The following KCNMA1 variants were observed in gnomAD, a reference collection of about 807,000 sequenced individuals.
KCNMA1 encodes the protein potassium calcium-activated channel subfamily M alpha 1.
In KCNMA1, 29 loss-of-function variants were observed where a neutral mutation model predicts 140.0. The ratio of observed to expected loss-of-function variants is 0.21; its 90% CI spans 0.15 to 0.28. KCNMA1 has a LOEUF of 0.28. KCNMA1 is among the 10% of genes least tolerant of loss of function. The pLI is 1.00. For missense variants in KCNMA1, 880 were observed against 1,602.2 expected, an observed-to-expected ratio of 0.55 and a Z score of 7.70; for synonymous variants, 612 against 611.9, an observed-to-expected ratio of 1.00 and a Z score of 0.00.
chr10:77,177,947 G>A (rs2098767851), intron 5 of KCNMA1, among the ~76,000 whole-genome samples: 1 of 152,140 alleles, frequency 6.6e-6, no homozygotes, highest in Admixed American at 6.6e-5. Flanking sequence ...TTGTTTTTAA[G>A]CACCTGTGCT....
At chr10:77,133,440 G>T (rs1263290876) in intron 5 of KCNMA1, among the ~76,000 whole-genome samples, 2 of 151,630 alleles carry the variant, frequency 1.3e-5, no homozygotes, top group African/African-American at 4.8e-5. Flanking sequence ...TGAAAGAATG[G>T]AAATTATGTG....
At chr10:77,500,510 G>A (rs1436912468) in intron 1 of KCNMA1, among the ~76,000 whole-genome samples, 1 of 152,148 alleles carries the variant, frequency 6.6e-6, no homozygotes, top group East Asian at 1.9e-4. Context: ...AAGCTAAGGA[G>A]TGATGCCAAG....
At chr10:77,010,082 T>C (rs1271854892) in intron 18 of KCNMA1, among the ~76,000 whole-genome samples, 2 of 152,210 alleles carry the variant, frequency 1.3e-5, no homozygotes, top group East Asian at 1.9e-4. Context: ...AGTCTTGCTA[T>C]TTCCTTGATA....
intron 1 of KCNMA1, chr10:77,636,282 A>G (rs1603639264): frequency 6.8e-7 from 1 of 1,460,342 alleles, no homozygotes; most frequent in African/African-American, 1.4e-5. Context: ...TGGGGAAGGG[A>G]AGACATCTCT....
intron 3 of KCNMA1, among the ~76,000 whole-genome samples, chr10:77,186,400 G>C (rs933796459): frequency 2.0e-5 from 3 of 151,812 alleles, no homozygotes; most frequent in Non-Finnish European, 4.4e-5. Flanking sequence ...ACAATTGCCA[G>C]GTTTTCACTA....
At position 77,539,401 on chromosome 10, in the gene KCNMA1, T is replaced by C. The variant is rs1190142422; in HGVS notation, c.378+97864A>G. ...AATTCTAGTTTTACAGGTAAGAGAATAGACATGGGTGGGATAAGTGAGTGG... is the reference window on the plus strand; with the variant it reads ...AATTCTAGTTTTACAGGTAAGAGAACAGACATGGGTGGGATAAGTGAGTGG... On this transcript the variant is annotated intron_variant, in intron 1 of 27. Transcript: ENST00000286628. 3.3e-5 allele frequency among the ~76,000 whole-genome samples: 5 copies of C among 152,184 alleles called. No individual in the cohort carries two copies. In the East Asian group the frequency reaches 5.8e-4, roughly 18 times the overall value.
At chr10:77,131,068 T>C (rs1349597093) in intron 5 of KCNMA1, among the ~76,000 whole-genome samples, 1 of 152,100 alleles carries the variant, frequency 6.6e-6, no homozygotes, top group African/African-American at 2.4e-5. Flanking sequence ...ATAACACTGA[T>C]TGACTGGGGT....
chr10:76,914,833 G>T, intron 24 of KCNMA1, 103 bp downstream of exon 24: 1 of 859,314 alleles, frequency 1.2e-6, no homozygotes, highest in Non-Finnish European at 2.0e-6. Context: ...CCCCATAGCA[G>T]CTACAAAGTT....
At chr10:76,960,822 A>T (rs111819548) in intron 20 of KCNMA1, among the ~76,000 whole-genome samples, 6 of 152,082 alleles carry the variant, frequency 3.9e-5, no homozygotes, top group African/African-American at 1.4e-4. Context: ...GAAGTCAGGC[A>T]TTTACATCTG....
chr10:77,301,227 A>T (rs2076461125), intron 2 of KCNMA1, among the ~76,000 whole-genome samples: 1 of 152,228 alleles, frequency 6.6e-6, no homozygotes, highest in African/African-American at 2.4e-5. Context: ...AGGCAATTCT[A>T]AGCTGGGAAA....
intron 2 of KCNMA1, among the ~76,000 whole-genome samples, chr10:77,281,181 A>G (rs2154295805): frequency 6.6e-6 from 1 of 152,256 alleles, no homozygotes; most frequent in African/African-American, 2.4e-5. Context: ...CTCAAATATA[A>G]GACATGTTAA....
At chr10:76,991,157 G>T (rs1565405430) in intron 19 of KCNMA1, among the ~76,000 whole-genome samples, 1 of 152,152 alleles carries the variant, frequency 6.6e-6, no homozygotes, top group Non-Finnish European at 1.5e-5. Context: ...CCTCACATGA[G>T]CCCTGCCCAA....
intron 1 of KCNMA1, among the ~76,000 whole-genome samples, chr10:77,530,454 C>A (rs1033208621): frequency 6.6e-6 from 1 of 152,180 alleles, no homozygotes; most frequent in African/African-American, 2.4e-5. Flanking sequence ...CTCTTAGGTT[C>A]TAACACTATT....
chr10:77,298,945 C>A (rs1601714091), intron 2 of KCNMA1, among the ~76,000 whole-genome samples: 1 of 152,226 alleles, frequency 6.6e-6, no homozygotes. Flanking sequence ...CGCCCCAGAG[C>A]ATCAGATGGG....
chr10:77,557,945 T>A (rs958511901), intron 1 of KCNMA1, among the ~76,000 whole-genome samples: 1 of 152,102 alleles, frequency 6.6e-6, no homozygotes, highest in Non-Finnish European at 1.5e-5. Flanking sequence ...TAAGCTAACA[T>A]CCCAGAATGG....
intron 1 of KCNMA1, among the ~76,000 whole-genome samples, chr10:77,604,942 C>T (rs2083915861): frequency 7.2e-5 from 11 of 152,058 alleles, no homozygotes; most frequent in Admixed American, 7.2e-4. Context: ...CGCTGCAGCC[C>T]ATAAAGACTC....
intron 1 of KCNMA1, among the ~76,000 whole-genome samples, chr10:77,495,426 C>T (rs558421045): frequency 1.3e-5 from 2 of 152,338 alleles, no homozygotes; most frequent in South Asian, 2.1e-4. Context: ...CGACACCTTC[C>T]TGGTCTAAAG....
intron 1 of KCNMA1, among the ~76,000 whole-genome samples, chr10:77,617,169 CA>C (rs1480786400): frequency 6.6e-6 from 1 of 152,160 alleles, no homozygotes; most frequent in Non-Finnish European, 1.5e-5. Flanking sequence ...TAAAATTGGA[CA>C]TGGGTAGAAG....
intron 3 of KCNMA1, among the ~76,000 whole-genome samples, chr10:77,192,474 G>A (rs1250796915): frequency 6.6e-6 from 1 of 152,106 alleles, no homozygotes; most frequent in Admixed American, 6.6e-5. Flanking sequence ...TTGGCAGCTA[G>A]GTAGTTTTAG....
Sources: allele counts gnomAD v4.1 joint callset (sites outside exome capture counted in the v4.1 genomes callset), GRCh38; gene constraint gnomAD v4.1.1; transcripts MANE v1.5; gene names NCBI Gene and HGNC (gene_info 2026-07-23, HGNC 2026-07-21).